MAN2B1: variants seen among roughly 807,000 people sequenced by gnomAD.
The protein encoded by MAN2B1 is mannosidase alpha class 2B member 1.
In MAN2B1, 99 loss-of-function variants were observed where a neutral mutation model predicts 127.5. The ratio of observed to expected loss-of-function variants is 0.78; its 90% CI spans 0.66 to 0.92. The LOEUF is 0.92. Ranked by LOEUF, MAN2B1 falls within the 40% of genes least tolerant of loss-of-function variation. MAN2B1 has a pLI of 0.00. For missense variants in MAN2B1, 1,304 were observed against 1,384.8 expected, an observed-to-expected ratio of 0.94 and a Z score of 0.93; for synonymous variants, 573 against 568.8, an observed-to-expected ratio of 1.01 and a Z score of -0.11.
chr19:12,661,092 A>C, intron 7 of MAN2B1, 168 bp downstream of exon 7: 1 of 633,854 alleles, frequency 1.6e-6, no homozygotes, highest in South Asian at 1.6e-5. Flanking sequence ...ACTGTAAGAC[A>C]ATGTATTTCT....
Position 12,647,427 on chromosome 19 carries a change from AT to A in MAN2B1, c.2820+15del, listed in dbSNP as rs1466735678. 1 of 1,613,664 alleles carries A rather than the reference AT, an allele frequency of 6.2e-7. No homozygotes were observed. The highest frequency in any genetic ancestry group is 1.3e-5 in the African/African-American group (1 of 74,834). ...TTGCCTCTCTCCGATCTCCTTCTCA[AT>A]TTTGCCCTTCTCACCCTCAAGTTCA... is the stretch of plus-strand genomic sequence containing the variant. On this transcript the variant is annotated intron_variant, in intron 22 of 23. Transcript: ENST00000456935. The surrounding 1 kb of genome is among the most constrained non-coding windows in gnomAD (Gnocchi z 4.9).
chr19:12,647,237 G>A lies in MAN2B1; in HGVS notation c.2919C>T (p.Asn973=), dbSNP rs2145219910. The change falls in exon 23 of 24, where the codon AAC becomes AAT. Residue 973 remains asparagine (N), a synonymous_variant. Transcript: ENST00000456935. The surrounding 1 kb of genome is among the most constrained non-coding windows in gnomAD (Gnocchi z 4.9). ...EAASRLKWTT[N]TGPTPHQTPY... ...TACCCCTGACCAGGGCCCCACCTGT[G>A]TTTGTTGTCCACTTGAGCCTGGAGG... 1 of 1,613,528 alleles carries A rather than the reference G, an allele frequency of 6.2e-7. No individual in the cohort carries two copies. The highest frequency in any genetic ancestry group is 1.7e-4 in the Middle Eastern group (1 of 6,060).
rs781032446 is a variant in MAN2B1 at position 12,666,646 on chromosome 19, G to T, written c.56C>A (p.Ala19Glu). ...GGCGCGGGACATGGTCCAGGGGCCT[G>T]CTGAGTCCAGGCAGCCGCGAGCGCA... ...GVCARGCLDSAGPWTMSRALR... is the reference protein window; with the variant it reads ...GVCARGCLDSEGPWTMSRALR... The change falls in exon 1 of 24, where the codon GCA becomes GAA. Residue 19 changes from alanine to glutamate, a missense_variant. Physicochemically the swap from Ala to Glu is moderately radical, Grantham distance 107 (BLOSUM62 -1). Transcript: ENST00000456935. 1 of 1,553,576 alleles carries T rather than the reference G, an allele frequency of 6.4e-7. No individual in the cohort carries two copies. The highest frequency in any genetic ancestry group is 8.7e-7 in the Non-Finnish European group (1 of 1,148,672).
intron 6 of MAN2B1, 47 bp downstream of exon 6, chr19:12,663,270 A>C: frequency 6.2e-7 from 1 of 1,610,142 alleles, no homozygotes; most frequent in South Asian, 1.1e-5. Flanking sequence ...GAAAGAGCTC[A>C]TTGTATTGTA....
intron 11 of MAN2B1, 119 bp downstream of exon 11, chr19:12,657,327 G>C (rs1048426744): frequency 1.1e-6 from 1 of 900,508 alleles, no homozygotes; most frequent in South Asian, 1.6e-5. Context: ...ACGAGCCCTT[G>C]TAGCCCCGCC....
intron 7 of MAN2B1, chr19:12,659,083 T>A (rs971641955): frequency 5.8e-6 from 1 of 171,266 alleles, no homozygotes; most frequent in Non-Finnish European, 1.3e-5. Context: ...GGTCTCGATC[T>A]CCTGACCTCA....
chr19:12,656,452 G>A, intron 13 of MAN2B1, 119 bp downstream of exon 13: 3 of 742,262 alleles, frequency 4.0e-6, no homozygotes, highest in Admixed American at 1.8e-5. Flanking sequence ...ACAAGAGGGG[G>A]GAAGAGATAT....
intron 23 of MAN2B1, chr19:12,646,948 T>G: frequency 1.6e-6 from 1 of 609,576 alleles, no homozygotes. Context: ...CCTCGTACCC[T>G]CAATCTGACC....
intron 21 of MAN2B1, 141 bp downstream of exon 21, chr19:12,648,034 C>T: frequency 1.1e-6 from 1 of 876,984 alleles, no homozygotes. Context: ...CGGGGACTGC[C>T]CAGGGGATGG....
Position 12,655,891 on chromosome 19 carries a change from G to T in MAN2B1, c.1645-12C>A. ...GGAAATATTACCACCTCGGATAAAGGAGGAGGGAAACTGAGTCAAGAGTAC... is the reference window on the plus strand; with the variant it reads ...GGAAATATTACCACCTCGGATAAAGTAGGAGGGAAACTGAGTCAAGAGTAC... On this transcript the variant is annotated splice_polypyrimidine_tract_variant and intron_variant, in intron 13 of 23. Coordinates refer to ENST00000456935, the MANE Select transcript of MAN2B1 (RefSeq NM_000528.4). 1 of 1,612,902 alleles carries T rather than the reference G, an allele frequency of 6.2e-7. No homozygotes were observed. The highest frequency in any genetic ancestry group is 8.5e-7 in the Non-Finnish European group (1 of 1,179,352).
intron 6 of MAN2B1, among the ~76,000 whole-genome samples, chr19:12,661,837 AATT>A (rs1165247148): frequency 1.4e-5 from 2 of 146,650 alleles, no homozygotes; most frequent in African/African-American, 5.5e-5. Context: ...AAAAAAAAAA[AATT>A]AATCTAAAAC....
At chr19:12,657,331 C>G (rs1406054707) in intron 11 of MAN2B1, 115 bp downstream of exon 11, 2 of 988,024 alleles carry the variant, frequency 2.0e-6, no homozygotes, top group Non-Finnish European at 1.5e-6. Context: ...GCCCTTGTAG[C>G]CCCGCCACAG....
In MAN2B1 at chr19:12,656,574, G is replaced by C; in HGVS notation, c.1641C>G (p.Ser547Arg). Residue 547 changes from serine (S) to arginine (R), a missense_variant, in exon 13 of 24, where the codon AGC becomes AGG. Physicochemically the swap from Ser to Arg is moderately radical, Grantham distance 110. Transcript: ENST00000456935. ...AATATTCGTTGTTTGGGCTCACATC[G>C]CTGGGCACTGTCCTGCCATTGGGGT... ...VKDPNGRTVPSDVVIFPSSDS... is the reference protein window; with the variant it reads ...VKDPNGRTVPRDVVIFPSSDS... The C allele has an allele frequency of 6.2e-7, 1 of 1,610,156 alleles. No individual in the cohort carries two copies. Among genetic ancestry groups the C allele is most frequent in the Non-Finnish European group, 8.5e-7 (1 of 1,176,480 alleles).
chr19:12,652,515 T>C (rs1267162429), intron 14 of MAN2B1, 55 bp from the exon 15 acceptor site: 6 of 1,222,516 alleles, frequency 4.9e-6, no homozygotes, highest in Non-Finnish European at 7.1e-6. Context: ...GTGTGTTTTC[T>C]TTTTTTAATT....
Position 12,658,094 on chromosome 19 carries a change from T to G in MAN2B1, c.1278A>C (p.Gly426=). The change falls in exon 10 of 24, where the codon GGA becomes GGC. Residue 426 remains glycine, a synonymous_variant. Coordinates refer to ENST00000456935, the MANE Select transcript of MAN2B1 (RefSeq NM_000528.4). The part of the protein sequence containing the change: ...EALVGLAANV[G]PYGSGDSAPL... ...GTGCACTGTCTCCGGAGCCATAGGG[T>G]CCCACGTTGGCCGCCAGGCCCACCA... 3.1e-6 allele frequency: 5 copies of G among 1,612,144 alleles called. No homozygotes were observed. Among genetic ancestry groups the G allele is most frequent in the Non-Finnish European group, 4.2e-6 (5 of 1,179,812 alleles).
chr19:12,647,568 A>C lies in MAN2B1; in HGVS notation c.2695T>G (p.Ser899Ala). 6.2e-7 allele frequency: 1 copy of C among 1,611,818 alleles called. No homozygotes were observed. The highest frequency in any genetic ancestry group is 8.5e-7 in the Non-Finnish European group (1 of 1,178,914). Residue 899 changes from serine to alanine, a missense_variant, in exon 22 of 24, where the codon TCG (serine) becomes GCG (alanine). Physicochemically the swap from Ser to Ala is moderately conservative, Grantham distance 99. Coordinates refer to ENST00000456935, the MANE Select transcript of MAN2B1 (RefSeq NM_000528.4). This position sits in a 1 kb window ranked among gnomAD's most constrained non-coding sequence, Gnocchi z 4.9. ...FSGLRRDLPP[S>A]VHLLTLASWG... ...CTGGCCAGCGTGAGCAGGTGCACCG[A>C]GGGCGGCAGGTCCCTGCGCAGCCCT... is the stretch of plus-strand genomic sequence containing the variant.
At chr19:12,656,503 G>T in intron 13 of MAN2B1, 68 bp downstream of exon 13, 1 of 1,084,568 alleles carries the variant, frequency 9.2e-7, no homozygotes, top group Non-Finnish European at 1.4e-6. Flanking sequence ...CGATATCCAT[G>T]GGGGCGATGA....
At chr19:12,649,788 C>A in intron 18 of MAN2B1, 125 bp downstream of exon 18, 2 of 855,648 alleles carry the variant, frequency 2.3e-6, no homozygotes, top group Non-Finnish European at 3.9e-6. Context: ...TGCCTGGCTC[C>A]CCCGCCCTTC....
chr19:12,649,093 G>C (rs775862875), intron 20 of MAN2B1, 43 bp downstream of exon 20: 5 of 1,556,678 alleles, frequency 3.2e-6, no homozygotes, highest in Non-Finnish European at 4.4e-6. Context: ...CAGGGGTCCA[G>C]GTTGGGAGGA....
Sources: gnomAD v4.1 joint callset for allele counts (sites outside exome capture counted in the v4.1 genomes callset) on GRCh38, gnomAD v4.1.1 for gene constraint, Gnocchi (gnomAD v3.1) non-coding constraint, MANE v1.5 for transcripts, NCBI Gene and HGNC (gene_info 2026-07-23, HGNC 2026-07-21) for gene names.